The following CYP2C19 variants were observed in gnomAD, a reference collection of about 807,000 sequenced individuals.
CYP2C19 encodes the protein cytochrome P450 family 2 subfamily C member 19.
CYP2C19 carries 59 observed loss-of-function variants against 40.9 expected under a neutral mutation model. That is an observed-to-expected ratio of 1.44 (90% CI 1.17 to 1.79). CYP2C19 has a LOEUF of 1.79. Among genes scored for constraint, CYP2C19 ranks in the 40% most tolerant of loss-of-function variants. The pLI is 0.00. For missense variants in CYP2C19, 754 were observed against 596.9 expected (o/e 1.26, Z -2.74); for synonymous variants, 253 against 208.7 (o/e 1.21, Z -1.83).
chr10:94,765,144 A>T (rs1408382916), intron 1 of CYP2C19, among the ~76,000 whole-genome samples: 2 of 151,994 alleles, frequency 1.3e-5, no homozygotes, highest in Non-Finnish European at 2.9e-5. Flanking sequence ...ATTCTTTGAG[A>T]GTGTGTGGTA....
chr10:94,803,886 T>C (rs1743097377), intron 5 of CYP2C19, among the ~76,000 whole-genome samples: 1 of 152,070 alleles, frequency 6.6e-6, no homozygotes, highest in South Asian at 2.1e-4. Flanking sequence ...TTGAATGCCC[T>C]GAGATCTGCC....
chr10:94,828,205 T>G (rs1433309366), intron 6 of CYP2C19, among the ~76,000 whole-genome samples: 1 of 152,054 alleles, frequency 6.6e-6, no homozygotes, highest in Non-Finnish European at 1.5e-5. Flanking sequence ...TGAGTTCAAT[T>G]CCTGGGTATC....
intron 5 of CYP2C19, among the ~76,000 whole-genome samples, chr10:94,785,849 T>G (rs928541335): frequency 6.6e-6 from 1 of 152,002 alleles, no homozygotes; most frequent in African/African-American, 2.4e-5. Context: ...GCCAGCCACA[T>G]GTACAGTAAG....
chr10:94,851,713 A>G (rs951682656), intron 8 of CYP2C19, among the ~76,000 whole-genome samples: 1 of 152,138 alleles, frequency 6.6e-6, no homozygotes, highest in African/African-American at 2.4e-5. Context: ...AGAAGCACAA[A>G]AAAAGCAAAA....
At chr10:94,809,528 C>T (rs1267399736) in intron 5 of CYP2C19, among the ~76,000 whole-genome samples, 1 of 152,070 alleles carries the variant, frequency 6.6e-6, no homozygotes, top group East Asian at 1.9e-4. Context: ...TTGATTTTCT[C>T]TCTTCCTGTT....
At chr10:94,770,411 C>G (rs1848311990) in intron 1 of CYP2C19, among the ~76,000 whole-genome samples, 1 of 152,102 alleles carries the variant, frequency 6.6e-6, no homozygotes, top group Admixed American at 6.5e-5. Context: ...ATTTTCTGTC[C>G]TCTCTGAACC....
At chr10:94,820,889 G>T (rs767262422) in intron 6 of CYP2C19, among the ~76,000 whole-genome samples, 50 of 152,136 alleles carry the variant, frequency 3.3e-4, no homozygotes, top group Admixed American at 1.3e-3. Flanking sequence ...TTCAAGACCA[G>T]CCTGGCCAAT....
intron 6 of CYP2C19, among the ~76,000 whole-genome samples, chr10:94,833,171 G>GT (rs1429683911): frequency 2.6e-5 from 4 of 151,942 alleles, no homozygotes; most frequent in African/African-American, 9.7e-5. Context: ...GAATCTTTAG[G>GT]TTTTTCCTAG....
chr10:94,828,585 A>T (rs901458573), intron 6 of CYP2C19, among the ~76,000 whole-genome samples: 1 of 149,036 alleles, frequency 6.7e-6, no homozygotes, highest in South Asian at 2.2e-4. Flanking sequence ...TTTCCTGAAT[A>T]CAGCACACTG....
rs771633356 is a variant in CYP2C19, at chr10:94,820,527, T to C, written c.851T>C (p.Ile284Thr). 31 of 1,614,058 alleles carry C rather than the reference T, an allele frequency of 1.9e-5. No homozygotes were observed. The highest frequency in any genetic ancestry group is 2.5e-5 in the Non-Finnish European group (30 of 1,180,028). The change falls in exon 6 of 9, where the codon ATT becomes ACT. Residue 284 changes from isoleucine (I) to threonine (T), a missense_variant. Physicochemically the swap from Ile to Thr is moderately conservative, Grantham distance 89. Transcript: ENST00000371321. ...CAAAACCAACAGTCTGAATTCACTA[T>C]TGAAAACTTGGTAATCACTGCAGCT... ...EKQNQQSEFTIENLVITAADL... is the reference protein window; with the variant it reads ...EKQNQQSEFTTENLVITAADL...
At position 94,783,051 on chromosome 10, in the gene CYP2C19, G is replaced by A. The variant is rs114254880; in HGVS notation, c.819+1054G>A. ...TGCAGGAGACCACCATGGCACGTGT[G>A]TACCTATTTAACAATCCTGCACGTT... On this transcript the variant is annotated intron_variant, in intron 5 of 8. Coordinates refer to ENST00000371321, the MANE Select transcript of CYP2C19 (RefSeq NM_000769.4). Among the ~76,000 whole-genome samples the A allele has an allele frequency of 3.1e-3, 475 of 152,110 alleles. 3 individuals carry two copies. The highest frequency in any genetic ancestry group is 0.011 in the African/African-American group (452 of 41,522).
chr10:94,824,583 A>G (rs1849183503), intron 6 of CYP2C19, among the ~76,000 whole-genome samples: 1 of 152,194 alleles, frequency 6.6e-6, no homozygotes, highest in African/African-American at 2.4e-5. Context: ...ATTTTGATGT[A>G]AAATTAATTC....
Position 94,844,873 on chromosome 10 carries a change from G to A in CYP2C19, c.1149+1849G>A, listed in dbSNP as rs900954969. Among the ~76,000 whole-genome samples the A allele has an allele frequency of 2.6e-5, 4 of 152,174 alleles. No homozygotes were observed. In the South Asian group the frequency reaches 6.2e-4, roughly 24 times the overall value. ...GAGAAATATACTGAAGAATCAGGAT[G>A]AGTCGCCAGTCTCCCAATCCACTGC... On this transcript the variant is annotated intron_variant, in intron 7 of 8. Coordinates refer to ENST00000371321, the MANE Select transcript of CYP2C19 (RefSeq NM_000769.4).
At chr10:94,799,110 C>A (rs1007865907) in intron 5 of CYP2C19, among the ~76,000 whole-genome samples, 15 of 152,040 alleles carry the variant, frequency 9.9e-5, no homozygotes, top group Non-Finnish European at 2.1e-4. Flanking sequence ...ATGGTCTTTA[C>A]AATTTAGCAT....
At chr10:94,844,102 G>A (rs575393054) in intron 7 of CYP2C19, among the ~76,000 whole-genome samples, 1 of 146,592 alleles carries the variant, frequency 6.8e-6, no homozygotes, top group South Asian at 2.4e-4. Context: ...TCAAGATTAG[G>A]CCAGCCTTAT....
intron 6 of CYP2C19, among the ~76,000 whole-genome samples, chr10:94,839,426 C>A (rs1849455951): frequency 6.6e-6 from 1 of 152,222 alleles, no homozygotes; most frequent in Non-Finnish European, 1.5e-5. Context: ...GGGGTCCGGG[C>A]TGCTGGGTTC....
At chr10:94,791,112 G>C (rs951623379) in intron 5 of CYP2C19, among the ~76,000 whole-genome samples, 1 of 151,858 alleles carries the variant, frequency 6.6e-6, no homozygotes, top group South Asian at 2.1e-4. Flanking sequence ...GTATGTGTCC[G>C]GGAATTTATC....
Position 94,849,944 on chromosome 10 carries a change from T to C in CYP2C19, c.1177T>C (p.Ser393Pro), listed in dbSNP as rs1486652484. 1.9e-6 allele frequency: 3 copies of C among 1,613,638 alleles called. No homozygotes were observed. In the African/African-American group the frequency reaches 4.0e-5, roughly 22 times the overall value. Residue 393 changes from serine to proline, a missense_variant, in exon 8 of 9, where the codon TCT becomes CCT. Transcript: ENST00000371321. ...CACAACCATATTAACTTCCCTCACTTCTGTGCTACATGACAACAAAGAATT... is the reference window on the plus strand; with the variant it reads ...CACAACCATATTAACTTCCCTCACTCCTGTGCTACATGACAACAAAGAATT... ...KGTTILTSLTSVLHDNKEFPN... is the reference protein window; with the variant it reads ...KGTTILTSLTPVLHDNKEFPN...
In CYP2C19 at chr10:94,853,566, G is replaced by A. The variant is rs370284572; in HGVS notation, c.*652G>A. Among the ~76,000 whole-genome samples the A allele has an allele frequency of 6.2e-5, 7 of 112,582 alleles. No homozygotes were observed. The highest frequency in any genetic ancestry group is 2.2e-4 in the African/African-American group (7 of 31,530). The allele number at this position is 112,582 out of a possible 152,430, so 73.9% of individuals were successfully genotyped here. A position where few individuals can be genotyped will look rare whatever the true frequency, so the allele number is the denominator to read the frequency against. ...GTGTTCCTTTTTTTTTTTTTTTTGAGACAATGTCTCACTCTGTCTCCCAGG... is the reference window on the plus strand; with the variant it reads ...GTGTTCCTTTTTTTTTTTTTTTTGAAACAATGTCTCACTCTGTCTCCCAGG... On this transcript the variant is annotated 3_prime_UTR_variant, in exon 9 of 9. Transcript: ENST00000371321.
Sources: gnomAD v4.1 joint callset for allele counts (sites outside exome capture counted in the v4.1 genomes callset) on GRCh38, gnomAD v4.1.1 for gene constraint, MANE v1.5 for transcripts, NCBI Gene and HGNC (gene_info 2026-07-23, HGNC 2026-07-21) for gene names.